Variants in CACNB2 observed in about 807,000 individuals in gnomAD.
The protein encoded by CACNB2 is voltage-dependent L-type calcium channel subunit beta-2.
CACNB2 carries 42 observed loss-of-function variants against 73.3 expected under a neutral mutation model. The ratio of observed to expected loss-of-function variants is 0.57; its 90% confidence interval spans 0.45 to 0.74. The LOEUF (loss-of-function observed/expected upper bound fraction) is 0.74. Among genes scored for constraint, CACNB2 ranks in the 30% least tolerant of loss-of-function variants. The pLI is 0.00. For synonymous variants in CACNB2, 348 were observed against 310.3 expected, an observed-to-expected ratio of 1.12 and a Z score of -1.28; for missense variants, 940 against 853.0, an observed-to-expected ratio of 1.10 and a Z score of -1.27.
At chr10:18,207,459 T>A (rs2035142488) in intron 2 of CACNB2, among the ~76,000 whole-genome samples, 1 of 152,190 alleles carries the variant, frequency 6.6e-6, no homozygotes, top group Admixed American at 6.5e-5. Context: ...CTATCCATGG[T>A]TTCAGGCATC....
At chr10:18,183,354 A>G (rs1302537436) in intron 2 of CACNB2, among the ~76,000 whole-genome samples, 1 of 150,278 alleles carries the variant, frequency 6.7e-6, no homozygotes, top group Non-Finnish European at 1.5e-5. Context: ...TCATTAAAAA[A>G]CTCCTGCTGG....
At chr10:18,485,601 G>GC (rs1233963981) in intron 3 of CACNB2, among the ~76,000 whole-genome samples, 1 of 134,386 alleles carries the variant, frequency 7.4e-6, no homozygotes, top group Admixed American at 8.3e-5. Context: ...TCATTGTGTC[G>GC]CCCAGGCTGG....
rs781777170 is a variant in CACNB2, at chr10:18,518,958, T to C, written c.934T>C (p.Phe312Leu). The change falls in exon 9 of 14, where the codon TTT (phenylalanine) becomes CTT (leucine). Residue 312 changes from phenylalanine (F) to leucine (L), a missense_variant. By Grantham distance (22) the Phe-to-Leu change is conservative. Transcript: ENST00000324631. ...GCTGTTTGATTTTTTAAAACACAGATTTGAAGGGCGGTGAGTATTTCAGCA... is the reference window on the plus strand; with the variant it reads ...GCTGTTTGATTTTTTAAAACACAGACTTGAAGGGCGGTGAGTATTTCAGCA... ...KALFDFLKHR[F>L]EGRISITRVT... 8 of 1,613,678 alleles carry C rather than the reference T, an allele frequency of 5.0e-6. No individual in the cohort carries two copies. The East Asian group carries it at 1.8e-4, about 36-fold the overall frequency.
At chr10:18,332,554 T>G (rs1203500350) in intron 2 of CACNB2, among the ~76,000 whole-genome samples, 1 of 152,192 alleles carries the variant, frequency 6.6e-6, no homozygotes, top group Non-Finnish European at 1.5e-5. Flanking sequence ...GACTACAGAA[T>G]AAGTATTCTT....
Position 18,448,865 on chromosome 10 carries a change from C to T in CACNB2, c.333+46822C>T, listed in dbSNP as rs572825409. Among the ~76,000 whole-genome samples the T allele has an allele frequency of 8.1e-4, 123 of 152,302 alleles. 1 individual carries two copies. Among genetic ancestry groups the T allele is most frequent in the African/African-American group, 2.8e-3 (118 of 41,560 alleles). ...GTGCAGTTAGAAGAGAGATGACAGT[C>T]ACTGGAATTGGAGAATTATGTCCTA... is the stretch of plus-strand genomic sequence containing the variant. On this transcript the variant is annotated intron_variant, in intron 3 of 13. Coordinates refer to ENST00000324631, the MANE Select transcript of CACNB2 (RefSeq NM_201596.3).
chr10:18,460,792 A>G (rs2047530615), intron 3 of CACNB2, among the ~76,000 whole-genome samples: 1 of 150,710 alleles, frequency 6.6e-6, no homozygotes, highest in South Asian at 2.1e-4. Context: ...CAGGAAGATG[A>G]GGTGGGAAGA....
At chr10:18,332,975 T>A (rs2040861029) in intron 2 of CACNB2, among the ~76,000 whole-genome samples, 1 of 152,080 alleles carries the variant, frequency 6.6e-6, no homozygotes, top group Non-Finnish European at 1.5e-5. Flanking sequence ...ATACAACAGA[T>A]CTATGGGGTT....
intron 2 of CACNB2, among the ~76,000 whole-genome samples, chr10:18,360,225 A>G (rs2042089178): frequency 6.6e-6 from 1 of 152,138 alleles, no homozygotes; most frequent in Admixed American, 6.6e-5. Context: ...CAAAGAGTTC[A>G]GTTTAGGTTT....
chr10:18,400,641 T>G (rs1482631510), intron 2 of CACNB2: 3 of 19,006 alleles, frequency 1.6e-4, no homozygotes, highest in Middle Eastern at 0.062. Flanking sequence ...TTTGCACTAG[T>G]TTTTTTTTTT....
Position 18,302,187 on chromosome 10 carries a change from G to A in CACNB2, c.214-99737G>A, listed in dbSNP as rs183785090. 9.6e-4 allele frequency among the ~76,000 whole-genome samples: 146 copies of A among 152,094 alleles called. 1 individual carries two copies. Among genetic ancestry groups the A allele is most frequent in the African/African-American group, 3.3e-3 (136 of 41,518 alleles). On this transcript the variant is annotated intron_variant, in intron 2 of 13. Coordinates refer to ENST00000324631, the MANE Select transcript of CACNB2 (RefSeq NM_201596.3). ...AATCACTCATTTAGCAGTCAAAGTT[G>A]TAGAACAGACTTTGAGATATTGTCC...
chr10:18,397,254 G>A (rs893845621), intron 2 of CACNB2, among the ~76,000 whole-genome samples: 1 of 152,048 alleles, frequency 6.6e-6, no homozygotes, highest in Admixed American at 6.6e-5. Context: ...ATCACCTGAG[G>A]TCAGGAGTTC....
chr10:18,299,731 A>G (rs1184676316), intron 2 of CACNB2, among the ~76,000 whole-genome samples: 1 of 152,178 alleles, frequency 6.6e-6, no homozygotes, highest in East Asian at 1.9e-4. Flanking sequence ...AATAAAAAAA[A>G]ACTTTCTTCA....
At chr10:18,338,657 CTT>C (rs1374911251) in intron 2 of CACNB2, among the ~76,000 whole-genome samples, 1 of 105,042 alleles carries the variant, frequency 9.5e-6, no homozygotes, top group African/African-American at 5.5e-5. Flanking sequence ...CTTTCTCTCT[CTT>C]TTTCTTTTTT....
chr10:18,403,675 G>A (rs1047418597), intron 3 of CACNB2, among the ~76,000 whole-genome samples: 6 of 152,110 alleles, frequency 3.9e-5, no homozygotes, highest in Admixed American at 6.5e-5. Flanking sequence ...AGCATGGATC[G>A]AAATGTTGCT....
At chr10:18,291,129 A>G (rs1030329127) in intron 2 of CACNB2, among the ~76,000 whole-genome samples, 3 of 152,222 alleles carry the variant, frequency 2.0e-5, no homozygotes, top group Non-Finnish European at 2.9e-5. Context: ...GGCTGCGCAG[A>G]AGGTACTTAC....
At chr10:18,176,458 C>T (rs551608959) in intron 2 of CACNB2, among the ~76,000 whole-genome samples, 1 of 152,104 alleles carries the variant, frequency 6.6e-6, no homozygotes, top group African/African-American at 2.4e-5. Flanking sequence ...ATCACAAAAG[C>T]ATTGCAGAAG....
intron 2 of CACNB2, among the ~76,000 whole-genome samples, chr10:18,277,252 C>T (rs1003536610): frequency 5.3e-5 from 8 of 152,054 alleles, no homozygotes; most frequent in Admixed American, 1.3e-4. Context: ...GGGTGCAGAC[C>T]GCAGAGCATG....
chr10:18,480,743 T>C (rs973774712), intron 3 of CACNB2, among the ~76,000 whole-genome samples: 1 of 152,278 alleles, frequency 6.6e-6, no homozygotes. Context: ...TAAGAGAAAA[T>C]AGACGAATTT....
At chr10:18,484,466 G>A (rs1267961249) in intron 3 of CACNB2, among the ~76,000 whole-genome samples, 1 of 152,084 alleles carries the variant, frequency 6.6e-6, no homozygotes, top group Non-Finnish European at 1.5e-5. Context: ...TGAGTGAAGT[G>A]TAACTGATAA....
Sources: gnomAD v4.1 joint callset for allele counts (sites outside exome capture counted in the v4.1 genomes callset) on GRCh38, gnomAD v4.1.1 for gene constraint, MANE v1.5 for transcripts, NCBI Gene and HGNC (gene_info 2026-07-23, HGNC 2026-07-21) for gene names.